Variants in DVL2 observed in about 807,000 individuals in gnomAD.
The protein encoded by DVL2 is segment polarity protein dishevelled homolog DVL-2.
DVL2 carries 38 observed loss-of-function variants against 69.8 expected under a neutral mutation model. That is an observed-to-expected ratio of 0.54 (90% CI 0.42 to 0.71). The LOEUF is 0.71. DVL2 is among the 30% of genes least tolerant of loss of function. The pLI is 0.00. For synonymous variants in DVL2, 428 were observed against 392.4 expected, an observed-to-expected ratio of 1.09 and a Z score of -1.07; for missense variants, 931 against 1,008.1, an observed-to-expected ratio of 0.92 and a Z score of 1.04.
intron 1 of DVL2, among the ~76,000 whole-genome samples, chr17:7,232,525 T>A (rs2071558265): frequency 6.6e-6 from 1 of 152,226 alleles, no homozygotes; most frequent in African/African-American, 2.4e-5. Context: ...ACAATTACCA[T>A]TCACCAAGAA....
At position 7,230,113 on chromosome 17, in the gene DVL2, T is replaced by G; in HGVS notation, c.453A>C (p.Thr151=). The change falls in exon 4 of 15, where the codon ACA becomes ACC. Residue 151 remains threonine (T), a synonymous_variant. Transcript: ENST00000005340. ...TCAGTGACACTACTGACTCGGTTTCTGTCTCAGGCTCCAGATTCTCATGGC... is the reference window on the plus strand; with the variant it reads ...TCAGTGACACTACTGACTCGGTTTCGGTCTCAGGCTCCAGATTCTCATGGC... ...SSSHENLEPE[T]ETESVVSLRR... 6.2e-7 allele frequency: 1 copy of G among 1,614,224 alleles called. No homozygotes were observed.
Position 7,234,501 on chromosome 17 carries a change from G to C in DVL2, c.-239C>G, listed in dbSNP as rs891882413. ...CGCGCCACCGCCACCGACGCCGCGA[G>C]CTTCCTCCAGGTACCCGCCCACCTC... On this transcript the variant is annotated 5_prime_UTR_variant, in exon 1 of 15. Coordinates refer to ENST00000005340, the MANE Select transcript of DVL2 (RefSeq NM_004422.3). 1.1e-5 allele frequency: 6 copies of C among 534,578 alleles called. No individual in the cohort carries two copies. Among genetic ancestry groups the C allele is most frequent in the Non-Finnish European group, 1.9e-5 (6 of 308,406 alleles). The allele number at this position is 534,578 out of a possible 1,614,324, so 33.1% of individuals were successfully genotyped here.
chr17:7,226,957 A>T, intron 13 of DVL2, 133 bp downstream of exon 13: 4 of 900,022 alleles, frequency 4.4e-6, no homozygotes, highest in Non-Finnish European at 6.7e-6. Context: ...CCAGTGCAGG[A>T]CCTAGTGCGG....
At position 7,226,211 on chromosome 17, in the gene DVL2, G is replaced by C; in HGVS notation, c.1865C>G (p.Ser622Cys). 6.2e-7 allele frequency: 1 copy of C among 1,612,442 alleles called. No homozygotes were observed. Among genetic ancestry groups the C allele is most frequent in the Non-Finnish European group, 8.5e-7 (1 of 1,179,760 alleles). The stretch of plus-strand genomic sequence containing the variant: ...GCTGCCCCCTCGGCTGGAGGGCTCA[G>C]ACTCACTGCCACTGCCGGACTTGGA... ...PESKSGSGSE[S>C]EPSSRGGSLR... is the part of the protein sequence containing the mutation. The change falls in exon 15 of 15, where the codon TCT (serine) becomes TGT (cysteine). Residue 622 changes from serine (S) to cysteine (C), a missense_variant. Ser to Cys is a moderately radical substitution (Grantham distance 112, BLOSUM62 -1). This residue lies in a region of DVL2 where 314 missense variants were observed against 313.7 expected (regional missense o/e 1.00). Coordinates refer to ENST00000005340, the MANE Select transcript of DVL2 (RefSeq NM_004422.3).
Position 7,229,500 on chromosome 17 carries a change from G to T in DVL2, c.748-53C>A. The T allele has an allele frequency of 6.2e-7, 1 of 1,613,082 alleles. No homozygotes were observed. The highest frequency in any genetic ancestry group is 1.1e-5 in the South Asian group (1 of 91,066). ...CCTTCAATAACCCAGGGTCAACCCT[G>T]GGGTGCTGCCGGTGTCCTGGCACCG... is the stretch of plus-strand genomic sequence containing the variant. On this transcript the variant is annotated intron_variant, in intron 6 of 14. Coordinates refer to ENST00000005340, the MANE Select transcript of DVL2 (RefSeq NM_004422.3). This position sits in a 1 kb window ranked among gnomAD's most constrained non-coding sequence, Gnocchi z 4.4.
intron 1 of DVL2, among the ~76,000 whole-genome samples, chr17:7,231,670 C>G (rs1029679687): frequency 1.3e-5 from 2 of 151,796 alleles, no homozygotes; most frequent in African/African-American, 2.4e-5. Flanking sequence ...CAAGACCAGC[C>G]TGGCCAACAT....
chr17:7,227,590 T>C, intron 11 of DVL2, 55 bp from the exon 12 acceptor site: 2 of 1,613,390 alleles, frequency 1.2e-6, no homozygotes, highest in Non-Finnish European at 1.7e-6. Flanking sequence ...ACAAGGGCAA[T>C]GGATCAGACC....
chr17:7,228,458 G>A (rs2142992626), intron 9 of DVL2: 4 of 181,414 alleles, frequency 2.2e-5, no homozygotes, highest in East Asian at 3.0e-4. Context: ...CATCTGAGGA[G>A]GAAGTTCTAG....
chr17:7,228,962 A>G lies in DVL2; in HGVS notation c.1034+7T>C, dbSNP rs1370879724. 4.3e-6 allele frequency: 7 copies of G among 1,613,946 alleles called. No homozygotes were observed. Among genetic ancestry groups the G allele is most frequent in the Non-Finnish European group, 5.9e-6 (7 of 1,179,884 alleles). On this transcript the variant is annotated splice_region_variant and intron_variant, in intron 9 of 14. Coordinates refer to ENST00000005340, the MANE Select transcript of DVL2 (RefSeq NM_004422.3). The stretch of plus-strand genomic sequence containing the variant: ...ACTGAGGACCGGCAACCTGCTTGGC[A>G]ACTCACCCAGGCTTGTGCACAATGT...
chr17:7,227,600 C>T lies in DVL2; in HGVS notation c.1231+55G>A, dbSNP rs1034355981. The T allele has an allele frequency of 2.5e-6, 4 of 1,613,878 alleles. No homozygotes were observed. The African/African-American group carries it at 5.3e-5, about 22-fold the overall frequency. ...CTCCCACAAGGGCAATGGATCAGACCACTGCGGGACAGCCTTCTGCTGGGA... is the reference window on the plus strand; with the variant it reads ...CTCCCACAAGGGCAATGGATCAGACTACTGCGGGACAGCCTTCTGCTGGGA... On this transcript the variant is annotated intron_variant, in intron 11 of 14. Coordinates refer to ENST00000005340, the MANE Select transcript of DVL2 (RefSeq NM_004422.3).
At chr17:7,230,623 C>T in intron 2 of DVL2, 105 bp downstream of exon 2, 2 of 1,363,412 alleles carry the variant, frequency 1.5e-6, no homozygotes, top group Non-Finnish European at 2.0e-6. Flanking sequence ...GGTAAAGAGC[C>T]AGGGCTGCTA....
In DVL2 at chr17:7,227,739, A is replaced by C. The variant is rs1443737725; in HGVS notation, c.1147T>G (p.Ser383Ala). Residue 383 changes from serine to alanine, a missense_variant, in exon 11 of 15, where the codon TCC becomes GCC. Ser to Ala is a moderately conservative substitution (Grantham distance 99). Around this residue, in one of 3 missense-constraint regions of DVL2, gnomAD observed 555 missense variants for 588.8 expected, o/e 0.94. Transcript: ENST00000005340. ...GGGAAGGTGCCAGTCAGAGCCGCGG[A>C]ATGGGACACCCAGGCAGCAGGGTCA... ...PIDPAAWVSH[S>A]AALTGTFPAY... 1 of 1,600,622 alleles carries C rather than the reference A, an allele frequency of 6.2e-7. No individual in the cohort carries two copies. Among genetic ancestry groups the C allele is most frequent in the Admixed American group, 1.7e-5 (1 of 57,660 alleles).
chr17:7,231,444 CT>C (rs1392742984), intron 1 of DVL2, among the ~76,000 whole-genome samples: 7 of 89,144 alleles, frequency 7.9e-5, no homozygotes, highest in African/African-American at 3.6e-4. Flanking sequence ...GCCTGGGCGG[CT>C]CAAAAAAAAA....
chr17:7,227,660 G>C lies in DVL2; in HGVS notation c.1226C>G (p.Pro409Arg), dbSNP rs943589069. 5 of 1,614,054 alleles carry C rather than the reference G, an allele frequency of 3.1e-6. No individual in the cohort carries two copies. The highest frequency in any genetic ancestry group is 1.7e-5 in the Admixed American group (1 of 60,008). Residue 409 changes from proline to arginine, a missense_variant, in exon 11 of 15, where the codon CCT (proline) becomes CGT (arginine). Around this residue, in one of 3 missense-constraint regions of DVL2, gnomAD observed 555 missense variants for 588.8 expected, o/e 0.94. Transcript: ENST00000005340. ...GAGGTGGGCTGGCGGCTCACCATCA[G>C]GCAAAGACGATCCAGATGTAATGGT... ...MSTITSGSSL[P>R]DGCEGRGLSV...
chr17:7,229,726 G>A lies in DVL2; in HGVS notation c.657-48C>T. Reference sequence around the variant, plus strand: ...AGCAAACGTAGGCCAAAGTGGTCATGGGGCCAAGAGAAAGAACAAGAGGAT... The same window carrying A: ...AGCAAACGTAGGCCAAAGTGGTCATAGGGCCAAGAGAAAGAACAAGAGGAT... On this transcript the variant is annotated intron_variant, in intron 5 of 14. Coordinates refer to ENST00000005340, the MANE Select transcript of DVL2 (RefSeq NM_004422.3). This position sits in a 1 kb window ranked among gnomAD's most constrained non-coding sequence, Gnocchi z 4.4. 6.4e-7 allele frequency: 1 copy of A among 1,574,800 alleles called. No individual in the cohort carries two copies. Among genetic ancestry groups the A allele is most frequent in the Non-Finnish European group, 8.6e-7 (1 of 1,156,968 alleles).
chr17:7,233,087 C>CAAAAAAAAA (rs59984818), intron 1 of DVL2, among the ~76,000 whole-genome samples: 974 of 36,212 alleles, frequency 0.027, 158 homozygotes, highest in African/African-American at 0.073. Context: ...GAGACTGTCT[C>CAAAAAAAAA]AAAAAAAAAA....
At position 7,227,564 on chromosome 17, in the gene DVL2, G is replaced by A. The variant is rs1047183556; in HGVS notation, c.1232-29C>T. ...GCAGAGGAGACAACGGGTAACCAGA[G>A]TCAGGGATCGCTCCCACAAGGGCAA... On this transcript the variant is annotated intron_variant, in intron 11 of 14. Transcript: ENST00000005340. 3.7e-6 allele frequency: 6 copies of A among 1,613,112 alleles called. No individual in the cohort carries two copies. The Admixed American group carries it at 8.3e-5, about 22-fold the overall frequency.
At position 7,226,087 on chromosome 17, in the gene DVL2, C is replaced by A. The variant is rs375396343; in HGVS notation, c.1989G>T (p.Gly663=). 5.7e-5 allele frequency: 91 copies of A among 1,595,342 alleles called. No homozygotes were observed. The highest frequency in any genetic ancestry group is 7.4e-5 in the Non-Finnish European group (86 of 1,169,810). The change falls in exon 15 of 15, where the codon GGG becomes GGT. Residue 663 remains glycine (G), a synonymous_variant. Coordinates refer to ENST00000005340, the MANE Select transcript of DVL2 (RefSeq NM_004422.3). ...GGAPNLRAHP[G]LHPYGPPPGM... ...CAGGGGGCGGTCCATAGGGATGGAG[C>A]CCTGGGTGGGCTCGGAGATTAGGGG...
In DVL2 at chr17:7,227,112, G is replaced by C; in HGVS notation, c.1521C>G (p.Asp507Glu). 6.2e-7 allele frequency: 1 copy of C among 1,612,854 alleles called. No homozygotes were observed. The highest frequency in any genetic ancestry group is 8.5e-7 in the Non-Finnish European group (1 of 1,179,358). Reference protein sequence around the residue: ...FSEQCYYVFGDLSGGCESYLV... With the variant: ...FSEQCYYVFGELSGGCESYLV... ...TACAGCTCTCACAGCCACCACTGAG[G>C]TCTCCGAAGACGTAATAGCACTGCT... Residue 507 changes from aspartate to glutamate, a missense_variant, in exon 13 of 15, where the codon GAC (aspartate) becomes GAG (glutamate). Physicochemically the swap from Asp to Glu is conservative, Grantham distance 45 (BLOSUM62 2). Coordinates refer to ENST00000005340, the MANE Select transcript of DVL2 (RefSeq NM_004422.3).
Sources: gnomAD v4.1 joint callset for allele counts (sites outside exome capture counted in the v4.1 genomes callset) on GRCh38, gnomAD v4.1.1 for gene constraint, gnomAD v4.1.1 regional missense constraint, Gnocchi (gnomAD v3.1) non-coding constraint, MANE v1.5 for transcripts, NCBI Gene and HGNC (gene_info 2026-07-23, HGNC 2026-07-21) for gene names.